DDX60L: variants seen among roughly 807,000 people sequenced by gnomAD.
DDX60L encodes DExD/H-box 60 like.
DDX60L carries 191 observed loss-of-function variants against 211.6 expected under a neutral mutation model. The observed-to-expected ratio is 0.90, with a 90% CI of 0.80 to 1.02. The LOEUF is 1.02. Among genes scored for constraint, DDX60L ranks in the 50% least tolerant of loss-of-function variants. DDX60L has a pLI of 0.00. For missense variants in DDX60L, 2,007 were observed against 1,984.1 expected, an observed-to-expected ratio of 1.01 and a Z score of -0.22; for synonymous variants, 706 against 694.1, an observed-to-expected ratio of 1.02 and a Z score of -0.27.
chr4:168,477,980 C>T (rs537526082), intron 1 of DDX60L, among the ~76,000 whole-genome samples: 1 of 152,194 alleles, frequency 6.6e-6, no homozygotes, highest in South Asian at 2.1e-4. Context: ...ATAATCCCAG[C>T]CCTTTGGGAA....
intron 1 of DDX60L, among the ~76,000 whole-genome samples, chr4:168,475,715 T>A (rs1436228583): frequency 6.6e-6 from 1 of 151,866 alleles, no homozygotes; most frequent in South Asian, 2.1e-4. Context: ...AATGTTTATG[T>A]CCCCCCAAAA....
intron 20 of DDX60L, 104 bp downstream of exon 20, chr4:168,416,577 AT>A: frequency 1.6e-6 from 1 of 620,782 alleles, no homozygotes; most frequent in Non-Finnish European, 2.5e-6. Flanking sequence ...TAATAAATTT[AT>A]TTGAAAGTTA....
intron 35 of DDX60L, among the ~76,000 whole-genome samples, chr4:168,373,166 A>T (rs1741331126): frequency 6.6e-6 from 1 of 152,158 alleles, no homozygotes; most frequent in Non-Finnish European, 1.5e-5. Context: ...GCACAGTGTC[A>T]ATCTTTATTA....
rs554565385 is a variant in DDX60L at position 168,477,212 on chromosome 4, G to A, written c.-111+3165C>T. Among the ~76,000 whole-genome samples the A allele has an allele frequency of 6.6e-5, 10 of 152,150 alleles. No homozygotes were observed. The South Asian group carries it at 1.0e-3, about 16-fold the overall frequency. ...GGACGGATCACAAGGTCAGGAGATC[G>A]AGACCATCCTGGCTAACATGGTGAA... On this transcript the variant is annotated intron_variant, in intron 1 of 37. Transcript: ENST00000682922.
At position 168,371,391 on chromosome 4, in the gene DDX60L, T is replaced by C. The variant is rs1293823844; in HGVS notation, c.4928+221A>G. Among the ~76,000 whole-genome samples the C allele has an allele frequency of 4.7e-5, 7 of 148,630 alleles. No individual in the cohort carries two copies. The South Asian group carries it at 1.5e-3, about 32-fold the overall frequency. On this transcript the variant is annotated intron_variant, in intron 36 of 37. Coordinates refer to ENST00000682922, the MANE Select transcript of DDX60L (RefSeq NM_001012967.3). ...TTCTAATCACCAGAAATCAGTCTTC[T>C]ACGAAGTGATCTAGTATGATTTTTA...
At chr4:168,436,272 T>C (rs886304884) in intron 10 of DDX60L, among the ~76,000 whole-genome samples, 2 of 152,234 alleles carry the variant, frequency 1.3e-5, no homozygotes, top group Non-Finnish European at 2.9e-5. Context: ...CTCTTCTTAC[T>C]GGAATAGACA....
At chr4:168,466,663 T>C (rs1046607803) in intron 4 of DDX60L, among the ~76,000 whole-genome samples, 1 of 152,230 alleles carries the variant, frequency 6.6e-6, no homozygotes, top group Admixed American at 6.5e-5. Flanking sequence ...CCTCCTGTTA[T>C]GGCATCACTG....
intron 1 of DDX60L, among the ~76,000 whole-genome samples, chr4:168,477,669 G>C (rs1156590031): frequency 2.0e-5 from 3 of 152,124 alleles, no homozygotes; most frequent in Non-Finnish European, 4.4e-5. Flanking sequence ...ACAGATAATA[G>C]GCAGTGAGAA....
chr4:168,391,212 C>A (rs1276809336), intron 29 of DDX60L, among the ~76,000 whole-genome samples: 3 of 151,942 alleles, frequency 2.0e-5, no homozygotes, highest in African/African-American at 7.3e-5. Flanking sequence ...TTTACATACT[C>A]CCGGAAAAAT....
intron 31 of DDX60L, 89 bp from the exon 32 acceptor site, chr4:168,379,593 G>A (rs1579258387): frequency 8.5e-7 from 1 of 1,176,770 alleles, no homozygotes; most frequent in East Asian, 2.6e-5. Context: ...AATATTACCT[G>A]ACTTCATTTA....
intron 29 of DDX60L, among the ~76,000 whole-genome samples, chr4:168,386,183 A>T (rs1743834770): frequency 1.3e-5 from 2 of 152,168 alleles, no homozygotes; most frequent in African/African-American, 4.8e-5. Flanking sequence ...AAACTAGAAG[A>T]GTCTGCCGGA....
intron 36 of DDX60L, among the ~76,000 whole-genome samples, chr4:168,367,741 A>G (rs1380271427): frequency 6.6e-6 from 1 of 152,242 alleles, no homozygotes; most frequent in East Asian, 1.9e-4. Flanking sequence ...TATGGACAAT[A>G]AAGTCCAGTC....
Position 168,384,686 on chromosome 4 carries a change from G to C in DDX60L, c.4042C>G (p.Leu1348Val). The C allele has an allele frequency of 6.2e-7, 1 of 1,613,968 alleles. No individual in the cohort carries two copies. Among genetic ancestry groups the C allele is most frequent in the Non-Finnish European group, 8.5e-7 (1 of 1,179,970 alleles). Residue 1348 changes from leucine to valine, a missense_variant, in exon 30 of 38, where the codon CTC becomes GTC. Leu to Val is a conservative substitution (Grantham distance 32). Transcript: ENST00000682922. ...AGTCGCAGGACCAGGGTTATGCTGAGAGGGAACTGTCCTCTCAGCTCAGGA... is the reference window on the plus strand; with the variant it reads ...AGTCGCAGGACCAGGGTTATGCTGACAGGGAACTGTCCTCTCAGCTCAGGA... The part of the protein sequence containing the change: ...SVPELRGQFP[L>V]SITLVLRLML...
intron 24 of DDX60L, among the ~76,000 whole-genome samples, chr4:168,405,433 G>A (rs573988458): frequency 2.6e-5 from 4 of 152,158 alleles, no homozygotes; most frequent in Non-Finnish European, 4.4e-5. Flanking sequence ...TTGCTTCTCA[G>A]CATAGCCACC....
intron 13 of DDX60L, 119 bp downstream of exon 13, chr4:168,430,359 A>C: frequency 1.1e-6 from 1 of 883,550 alleles, no homozygotes; most frequent in South Asian, 2.1e-5. Flanking sequence ...AGAATGGACT[A>C]AGACAGTTAG....
At chr4:168,433,369 TTTTCCA>T (rs912867010) in intron 10 of DDX60L, among the ~76,000 whole-genome samples, 27 of 152,170 alleles carry the variant, frequency 1.8e-4, no homozygotes, top group Middle Eastern at 3.4e-3. Context: ...AACATGTAGA[TTTTCCA>T]TTTCCAAGTA....
intron 9 of DDX60L, among the ~76,000 whole-genome samples, chr4:168,442,449 G>T (rs1336676566): frequency 2.6e-5 from 4 of 152,172 alleles, no homozygotes; most frequent in Non-Finnish European, 5.9e-5. Flanking sequence ...GAGGCTGGGG[G>T]AGGGGCGCCC....
Position 168,394,458 on chromosome 4 carries a change from T to C in DDX60L, c.3810+7A>G, listed in dbSNP as rs760580640. The C allele has an allele frequency of 1.3e-6, 2 of 1,587,834 alleles. No individual in the cohort carries two copies. The highest frequency in any genetic ancestry group is 1.2e-5 in the South Asian group (1 of 86,312). On this transcript the variant is annotated splice_region_variant and intron_variant, in intron 28 of 37. Transcript: ENST00000682922. Reference sequence around the variant, plus strand: ...TTTATTTTTTAAATGCAAAGAAATTTACCTACCCTAATAAGCCCTTTTACA... The same window carrying C: ...TTTATTTTTTAAATGCAAAGAAATTCACCTACCCTAATAAGCCCTTTTACA...
chr4:168,462,542 G>T (rs184836998), intron 4 of DDX60L, among the ~76,000 whole-genome samples: 1 of 152,322 alleles, frequency 6.6e-6, no homozygotes, highest in African/African-American at 2.4e-5. Flanking sequence ...GTCAGGCACA[G>T]TGGCTCACGC....
Sources: gnomAD v4.1 joint callset for allele counts (sites outside exome capture counted in the v4.1 genomes callset) on GRCh38, gnomAD v4.1.1 for gene constraint, MANE v1.5 for transcripts, NCBI Gene and HGNC (gene_info 2026-07-23, HGNC 2026-07-21) for gene names.